The following KIF26B variants were observed in gnomAD, a reference collection of about 807,000 sequenced individuals.
KIF26B encodes the protein kinesin family member 26B, also known as kinesin-like protein KIF26B.
In KIF26B, 63 loss-of-function variants were observed where a neutral mutation model predicts 151.2. The observed-to-expected ratio is 0.42, with a 90% CI of 0.34 to 0.51. The LOEUF is 0.51. Among genes scored for constraint, KIF26B ranks in the 20% least tolerant of loss-of-function variants. The probability of loss-of-function intolerance (pLI) is 0.07; values close to 1 mark genes in which losing one functional copy is unlikely to be tolerated. For missense variants in KIF26B, 2,813 were observed against 2,913.6 expected, an observed-to-expected ratio of 0.97 and a Z score of 0.79; for synonymous variants, 1,357 against 1,262.1, an observed-to-expected ratio of 1.08 and a Z score of -1.59.
chr1:245,410,294 A>G (rs1270392913), intron 3 of KIF26B, among the ~76,000 whole-genome samples: 1 of 152,184 alleles, frequency 6.6e-6, no homozygotes, highest in Non-Finnish European at 1.5e-5. Flanking sequence ...AGTCACTGGA[A>G]GACAGAAACC....
At chr1:245,592,109 C>T (rs1310739797) in intron 5 of KIF26B, among the ~76,000 whole-genome samples, 1 of 152,202 alleles carries the variant, frequency 6.6e-6, no homozygotes, top group Non-Finnish European at 1.5e-5. Flanking sequence ...TGCACATGCT[C>T]CCTCACACTT....
At chr1:245,415,101 C>A (rs983890934) in intron 3 of KIF26B, among the ~76,000 whole-genome samples, 13 of 152,146 alleles carry the variant, frequency 8.5e-5, no homozygotes, top group Non-Finnish European at 1.8e-4. Context: ...TTCCAATGTG[C>A]CTTCTATGAG....
At chr1:245,298,291 C>A (rs1170486049) in intron 2 of KIF26B, among the ~76,000 whole-genome samples, 1 of 151,912 alleles carries the variant, frequency 6.6e-6, no homozygotes, top group East Asian at 1.9e-4. Flanking sequence ...AAGAGATAAA[C>A]AAAATGTGGT....
At chr1:245,665,634 TA>T (rs2044204218) in intron 10 of KIF26B, among the ~76,000 whole-genome samples, 3 of 152,356 alleles carry the variant, frequency 2.0e-5, no homozygotes, top group African/African-American at 7.2e-5. Flanking sequence ...TGAGCTCAGT[TA>T]TGAATTACAT....
At chr1:245,496,722 C>G (rs1462148778) in intron 4 of KIF26B, among the ~76,000 whole-genome samples, 1 of 152,144 alleles carries the variant, frequency 6.6e-6, no homozygotes, top group East Asian at 1.9e-4. Flanking sequence ...TGAAAATTGA[C>G]TAAATACTCT....
At chr1:245,664,154 A>T (rs1245821057) in intron 10 of KIF26B, among the ~76,000 whole-genome samples, 2 of 151,904 alleles carry the variant, frequency 1.3e-5, no homozygotes, top group Non-Finnish European at 2.9e-5. Flanking sequence ...AGATCACCTG[A>T]GGTCGGGAGT....
At chr1:245,366,004 A>G (rs918638339) in intron 2 of KIF26B, among the ~76,000 whole-genome samples, 1 of 152,234 alleles carries the variant, frequency 6.6e-6, no homozygotes, top group African/African-American at 2.4e-5. Flanking sequence ...AGTGGTACTT[A>G]GCACACAATG....
chr1:245,387,685 C>G (rs920398369), intron 3 of KIF26B, among the ~76,000 whole-genome samples: 1 of 152,032 alleles, frequency 6.6e-6, no homozygotes, highest in African/African-American at 2.4e-5. Context: ...GAGTGAGACC[C>G]TATCTCAAAA....
intron 4 of KIF26B, among the ~76,000 whole-genome samples, chr1:245,439,892 C>G (rs1659026664): frequency 6.6e-6 from 1 of 152,136 alleles, no homozygotes; most frequent in South Asian, 2.1e-4. Flanking sequence ...TACCCTTGGG[C>G]AAAGTGAACA....
intron 5 of KIF26B, among the ~76,000 whole-genome samples, chr1:245,547,248 G>A (rs1189751527): frequency 2.0e-5 from 3 of 152,190 alleles, no homozygotes; most frequent in Non-Finnish European, 2.9e-5. Flanking sequence ...AATATTCTCC[G>A]TTAGAGGTTA....
At chr1:245,396,604 C>A (rs960482622) in intron 3 of KIF26B, among the ~76,000 whole-genome samples, 4 of 151,580 alleles carry the variant, frequency 2.6e-5, no homozygotes, top group African/African-American at 9.7e-5. Context: ...CCACTGCATT[C>A]CTGGGCAACG....
At chr1:245,379,987 A>T (rs111541454) in intron 3 of KIF26B, among the ~76,000 whole-genome samples, 4 of 150,944 alleles carry the variant, frequency 2.6e-5, no homozygotes, top group Admixed American at 6.6e-5. Context: ...AAAAAAAAAA[A>T]GTCCTCACCT....
chr1:245,648,233 A>G (rs1340484430), intron 10 of KIF26B, among the ~76,000 whole-genome samples: 6 of 152,228 alleles, frequency 3.9e-5, no homozygotes, highest in African/African-American at 7.2e-5. Context: ...TGATTTCTAT[A>G]AATAGTTGTT....
chr1:245,596,758 G>A (rs1442991292), intron 5 of KIF26B, among the ~76,000 whole-genome samples: 2 of 152,136 alleles, frequency 1.3e-5, no homozygotes, highest in Non-Finnish European at 2.9e-5. Flanking sequence ...CTATTATTGT[G>A]TGGGAGTCTA....
chr1:245,564,085 T>C lies in KIF26B; in HGVS notation c.1350+23135T>C, dbSNP rs2042983772. ...GAGCTCGACACAGTCCAATCCCAAG[T>C]ACCAGTCAGGCTCCCACCGTCCCTT... On this transcript the variant is annotated intron_variant, in intron 5 of 14. Coordinates refer to ENST00000407071, the MANE Select transcript of KIF26B (RefSeq NM_018012.4). The surrounding 1 kb of genome is among the most constrained non-coding windows in gnomAD (Gnocchi z 4.6). Among the ~76,000 whole-genome samples the C allele has an allele frequency of 6.6e-6, 1 of 152,056 alleles. No individual in the cohort carries two copies.
Position 245,602,938 on chromosome 1 carries a change from T to C in KIF26B, c.1557+155T>C, listed in dbSNP as rs1267007370. Among the ~76,000 whole-genome samples the C allele has an allele frequency of 2.0e-5, 3 of 152,116 alleles. No individual in the cohort carries two copies. Among genetic ancestry groups the C allele is most frequent in the Admixed American group, 1.3e-4 (2 of 15,268 alleles). Reference sequence around the variant, plus strand: ...ATCTGAGCTCCACCGAATGGTCCAGTGCTTTTGAATTACTGGTGTCAGACC... The same window carrying C: ...ATCTGAGCTCCACCGAATGGTCCAGCGCTTTTGAATTACTGGTGTCAGACC... On this transcript the variant is annotated intron_variant, in intron 6 of 14. Coordinates refer to ENST00000407071, the MANE Select transcript of KIF26B (RefSeq NM_018012.4). This position sits in a 1 kb window ranked among gnomAD's most constrained non-coding sequence, Gnocchi z 4.5.
At position 245,299,325 on chromosome 1, in the gene KIF26B, T is replaced by G. The variant is rs969733472; in HGVS notation, c.466-67509T>G. 6.0e-3 allele frequency among the ~76,000 whole-genome samples: 897 copies of G among 148,622 alleles called. 9 individuals are homozygous for G. The highest frequency in any genetic ancestry group is 0.021 in the African/African-American group (831 of 40,124). On this transcript the variant is annotated intron_variant, in intron 2 of 14. Coordinates refer to ENST00000407071, the MANE Select transcript of KIF26B (RefSeq NM_018012.4). ...GCATTTACATCCAATTCTGGGTTTT[T>G]TTTTTTTTTTTTTTTTTTGAGTTTG...
At chr1:245,341,894 G>A (rs901571563) in intron 2 of KIF26B, among the ~76,000 whole-genome samples, 1 of 152,124 alleles carries the variant, frequency 6.6e-6, no homozygotes, top group African/African-American at 2.4e-5. Flanking sequence ...TGGTTCCCGT[G>A]GCACCATCTA....
chr1:245,321,602 T>C (rs1326927184), intron 2 of KIF26B, among the ~76,000 whole-genome samples: 1 of 152,208 alleles, frequency 6.6e-6, no homozygotes, highest in African/African-American at 2.4e-5. Context: ...TATTAGGAGA[T>C]ATTTGTATCC....
Sources: allele counts gnomAD v4.1 joint callset (sites outside exome capture counted in the v4.1 genomes callset), GRCh38; gene constraint gnomAD v4.1.1; non-coding constraint Gnocchi (gnomAD v3.1); transcripts MANE v1.5; gene names NCBI Gene and HGNC (gene_info 2026-07-23, HGNC 2026-07-21).